The following PCDHA7 variants were observed in gnomAD, a reference collection of about 807,000 sequenced individuals.
The protein encoded by PCDHA7 is protocadherin alpha 7, also known as protocadherin alpha-7.
Under a neutral mutation model 57.2 loss-of-function variants are expected in PCDHA7, and 37 were observed. The observed-to-expected ratio is 0.65, with a 90% confidence interval of 0.50 to 0.85. PCDHA7 has a LOEUF of 0.85. Ranked by LOEUF, PCDHA7 falls within the 40% of genes least tolerant of loss-of-function variation. PCDHA7 has a pLI of 0.00. For missense variants in PCDHA7, 1,188 were observed against 1,241.8 expected (o/e 0.96, Z 0.65); for synonymous variants, 553 against 558.8 (o/e 0.99, Z 0.15).
At chr5:140,933,659 C>G (rs552302723) in intron 1 of PCDHA7, among the ~76,000 whole-genome samples, 1 of 152,058 alleles carries the variant, frequency 6.6e-6, no homozygotes, top group East Asian at 1.9e-4. Context: ...TCCTGTCTCT[C>G]TCTCTGTCTC....
intron 1 of PCDHA7, chr5:140,882,664 A>AT (rs782651285): frequency 6.2e-7 from 1 of 1,614,046 alleles, no homozygotes; most frequent in Admixed American, 1.7e-5. Flanking sequence ...ACCCGCCCAT[A>AT]TTCCCTGAAA....
intron 1 of PCDHA7, among the ~76,000 whole-genome samples, chr5:140,970,399 G>A (rs2096402631): frequency 6.6e-6 from 1 of 152,172 alleles, no homozygotes; most frequent in Non-Finnish European, 1.5e-5. Flanking sequence ...AAAGTGGATG[G>A]CTTACCCTAC....
chr5:140,936,798 T>C (rs2091152803), intron 1 of PCDHA7, among the ~76,000 whole-genome samples: 1 of 152,240 alleles, frequency 6.6e-6, no homozygotes, highest in Admixed American at 6.5e-5. Context: ...TGCTTCAAGA[T>C]TAACTTAGCT....
At chr5:140,854,216 A>G in intron 1 of PCDHA7, 1 of 633,308 alleles carries the variant, frequency 1.6e-6, no homozygotes, top group Non-Finnish European at 2.0e-6. Flanking sequence ...TCAATATTGG[A>G]CATCTACATT....
At chr5:140,882,446 G>T (rs556783584) in intron 1 of PCDHA7, 1 of 1,613,924 alleles carries the variant, frequency 6.2e-7, no homozygotes, top group African/African-American at 1.3e-5. Flanking sequence ...GGCGGAGCTG[G>T]TGCCGCGCCT....
intron 1 of PCDHA7, chr5:140,969,505 A>G (rs973647679): frequency 1.4e-6 from 2 of 1,428,552 alleles, no homozygotes; most frequent in South Asian, 3.0e-5. Context: ...CTAGAAAAAT[A>G]GCACTAAAGA....
intron 1 of PCDHA7, among the ~76,000 whole-genome samples, chr5:140,874,881 CCTAA>C (rs1562692558): frequency 6.6e-6 from 1 of 152,102 alleles, no homozygotes; most frequent in African/African-American, 2.4e-5. Context: ...AATACAAATT[CCTAA>C]CTTTCTCTAA....
At chr5:140,934,590 G>T (rs1305372783) in intron 1 of PCDHA7, among the ~76,000 whole-genome samples, 4 of 151,886 alleles carry the variant, frequency 2.6e-5, no homozygotes, top group Admixed American at 2.6e-4. Context: ...TCTGTAATGG[G>T]TCTTCAACTA....
rs111528394 is a variant in PCDHA7 at position 140,995,338 on chromosome 5, C to T, written c.2503+12775C>T. Among the ~76,000 whole-genome samples the T allele has an allele frequency of 2.7e-4, 41 of 151,956 alleles. 1 individual carries two copies. Among genetic ancestry groups the T allele is most frequent in the Admixed American group, 6.6e-4 (10 of 15,254 alleles). On this transcript the variant is annotated intron_variant, in intron 3 of 3. Coordinates refer to ENST00000525929, the MANE Select transcript of PCDHA7 (RefSeq NM_018910.3). The stretch of plus-strand genomic sequence containing the variant: ...TGAACTAACAGGTGAGTAGTGTAGA[C>T]GGCATGGATAGGTCGGACAGAGGGA...
intron 3 of PCDHA7, among the ~76,000 whole-genome samples, chr5:141,008,458 C>T (rs1234894606): frequency 3.9e-5 from 6 of 152,252 alleles, no homozygotes; most frequent in Middle Eastern, 3.4e-3. Context: ...CCTTCCTCTC[C>T]AGCTCTGACT....
At position 140,845,518 on chromosome 5, in the gene PCDHA7, T is replaced by C. The variant is rs984046956; in HGVS notation, c.2355+8780T>C. On this transcript the variant is annotated intron_variant, in intron 1 of 3. Coordinates refer to ENST00000525929, the MANE Select transcript of PCDHA7 (RefSeq NM_018910.3). ...AAAGTCTAAACCTATTTCTTGTACATTAATACTTTTCACTATTCTAATTAT... is the reference window on the plus strand; with the variant it reads ...AAAGTCTAAACCTATTTCTTGTACACTAATACTTTTCACTATTCTAATTAT... Among the ~76,000 whole-genome samples the C allele has an allele frequency of 1.3e-5, 2 of 149,636 alleles. 1 individual carries two copies. The highest frequency in any genetic ancestry group is 3.0e-5 in the Non-Finnish European group (2 of 66,854).
intron 1 of PCDHA7, chr5:140,852,597 C>A (rs1410004907): frequency 2.6e-5 from 23 of 879,650 alleles, no homozygotes; most frequent in Non-Finnish European, 2.9e-5. Flanking sequence ...TTTTTTTTGT[C>A]ATTTTCTTTC....
chr5:140,877,699 A>G (rs1554169995), intron 1 of PCDHA7: 2 of 1,613,896 alleles, frequency 1.2e-6, no homozygotes, highest in Middle Eastern at 1.7e-4. Flanking sequence ...GGTGTGCTCC[A>G]GCGCCGTGGG....
At chr5:140,850,964 C>G (rs1554145138) in intron 1 of PCDHA7, 1 of 1,468,876 alleles carries the variant, frequency 6.8e-7, no homozygotes, top group African/African-American at 1.4e-5. Flanking sequence ...TCCCAGGGGC[C>G]GTTCAAATAG....
intron 1 of PCDHA7, among the ~76,000 whole-genome samples, chr5:140,887,968 T>C (rs1434403033): frequency 6.6e-6 from 1 of 152,242 alleles, no homozygotes; most frequent in Non-Finnish European, 1.5e-5. Context: ...TTTGTCTCTT[T>C]TAAAATTTAT....
chr5:140,891,755 G>C (rs1489884923), intron 1 of PCDHA7, among the ~76,000 whole-genome samples: 2 of 152,114 alleles, frequency 1.3e-5, no homozygotes, highest in Non-Finnish European at 2.9e-5. Flanking sequence ...CAACAGTGTT[G>C]GGAGGTGGGG....
intron 1 of PCDHA7, among the ~76,000 whole-genome samples, chr5:140,943,664 T>G (rs1404337303): frequency 6.6e-6 from 1 of 151,998 alleles, no homozygotes; most frequent in Non-Finnish European, 1.5e-5. Flanking sequence ...GAACAATGTA[T>G]AAAGTGTGAA....
chr5:140,906,377 A>G (rs1322510294), intron 1 of PCDHA7, among the ~76,000 whole-genome samples: 3 of 152,264 alleles, frequency 2.0e-5, no homozygotes, highest in Admixed American at 6.5e-5. Flanking sequence ...ATGCTATTAC[A>G]TAAAGTTAAC....
rs2150354171 is a variant in PCDHA7, at chr5:140,843,161, G to C, written c.2355+6423G>C. 3.6e-5 allele frequency: 58 copies of C among 1,595,996 alleles called. 4 individuals are homozygous for C. In the South Asian group the frequency reaches 6.1e-4, roughly 17 times the overall value. ...GTGGCTTTCGTATGAGCTGCAGCCA[G>C]CTGCAAGCAGCCCTCGCATCCCGTT... On this transcript the variant is annotated intron_variant, in intron 1 of 3. Coordinates refer to ENST00000525929, the MANE Select transcript of PCDHA7 (RefSeq NM_018910.3).
Sources: gnomAD v4.1 joint callset for allele counts (sites outside exome capture counted in the v4.1 genomes callset) on GRCh38, gnomAD v4.1.1 for gene constraint, MANE v1.5 for transcripts, NCBI Gene and HGNC (gene_info 2026-07-23, HGNC 2026-07-21) for gene names.